Variants in IGSF11 observed in about 807,000 individuals in gnomAD.
IGSF11 encodes the protein immunoglobulin superfamily member 11.
IGSF11 carries 22 observed loss-of-function variants against 41.0 expected under a neutral mutation model. The ratio of observed to expected loss-of-function variants is 0.54; its 90% CI spans 0.38 to 0.77. The LOEUF (loss-of-function observed/expected upper bound fraction) is 0.77, where lower values mean the gene tolerates loss of function less well. Among genes scored for constraint, IGSF11 ranks in the 30% least tolerant of loss-of-function variants. The pLI is 0.00. For missense variants in IGSF11, 444 were observed against 530.8 expected (o/e 0.84, Z 1.61); for synonymous variants, 219 against 201.3 (o/e 1.09, Z -0.74).
chr3:118,903,679 C>T (rs1202725530), intron 6 of IGSF11, among the ~76,000 whole-genome samples: 1 of 152,130 alleles, frequency 6.6e-6, no homozygotes, highest in Non-Finnish European at 1.5e-5. Flanking sequence ...AAGATGCTAA[C>T]CAATTCATTT....
At chr3:119,098,922 A>G (rs1374833868) in intron 1 of IGSF11, among the ~76,000 whole-genome samples, 3 of 151,564 alleles carry the variant, frequency 2.0e-5, no homozygotes, top group Non-Finnish European at 4.4e-5. Flanking sequence ...GTTTTCAGAA[A>G]AAAAGTTTCA....
At chr3:119,130,652 G>C (rs1170048623) in intron 1 of IGSF11, among the ~76,000 whole-genome samples, 1 of 152,078 alleles carries the variant, frequency 6.6e-6, no homozygotes, top group African/African-American at 2.4e-5. Flanking sequence ...AAAGGCAGCA[G>C]ACAACTTCTG....
chr3:119,141,042 T>TAAAAAAAA (rs35323898), intron 1 of IGSF11, among the ~76,000 whole-genome samples: 15 of 99,706 alleles, frequency 1.5e-4, no homozygotes, highest in Middle Eastern at 5.4e-3. Context: ...TCTGTCTCAT[T>TAAAAAAAA]AAAAAAAAAA....
At chr3:118,947,401 C>T (rs1944237856) in intron 1 of IGSF11, 1 of 152,108 alleles carries the variant, frequency 6.6e-6, no homozygotes, top group Non-Finnish European at 1.5e-5. Context: ...AAGAAAGTGG[C>T]TGTTGAGGTG....
chr3:119,107,559 T>A (rs1375613437), upstream of IGSF11, among the ~76,000 whole-genome samples: 1 of 152,096 alleles, frequency 6.6e-6, no homozygotes, highest in African/African-American at 2.4e-5. Flanking sequence ...CTGATGGTAG[T>A]TTCTTTTGCT....
At chr3:119,020,222 A>G (rs12491204) in intron 1 of IGSF11, among the ~76,000 whole-genome samples, 1,666 of 152,306 alleles carry the variant, frequency 0.011, 34 homozygotes, top group East Asian at 0.061. Flanking sequence ...AGACCTCTAC[A>G]TTATAACATA....
At chr3:118,989,409 G>A (rs745909238) in intron 1 of IGSF11, among the ~76,000 whole-genome samples, 18 of 151,712 alleles carry the variant, frequency 1.2e-4, no homozygotes, top group South Asian at 8.3e-4. Context: ...CTGGAGTGCA[G>A]TGGCGCAATC....
At chr3:119,088,420 A>C (rs915537061) in intron 1 of IGSF11, among the ~76,000 whole-genome samples, 1 of 152,186 alleles carries the variant, frequency 6.6e-6, no homozygotes, top group African/African-American at 2.4e-5. Context: ...GGATGCAGCT[A>C]AAGTAATGTT....
At chr3:118,932,490 ACTGT>A (rs1942941098) in intron 1 of IGSF11, among the ~76,000 whole-genome samples, 1 of 152,374 alleles carries the variant, frequency 6.6e-6, no homozygotes, top group Admixed American at 6.5e-5. Context: ...TGTTTCATAA[ACTGT>A]CTGTGATAGA....
rs1939119240 is a variant in IGSF11 at position 118,903,099 on chromosome 3, CA to C, written c.855-139del. On this transcript the variant is annotated intron_variant, in intron 6 of 6. Transcript: ENST00000393775. ...AGGAGAGACTACTCTATCGTGAAAG[CA>C]GGCATGGCAACCCTGGATGGCCTCA... The C allele has an allele frequency of 3.9e-6, 3 of 768,732 alleles. No homozygotes were observed. The African/African-American group carries it at 5.3e-5, about 14-fold the overall frequency. The allele number at this position is 768,732 out of a possible 1,614,324, so 47.6% of individuals were successfully genotyped here. A position where few individuals can be genotyped will look rare whatever the true frequency, so the allele number is the denominator to read the frequency against.
At chr3:119,138,350 A>G (rs1441409844) in intron 1 of IGSF11, among the ~76,000 whole-genome samples, 1 of 152,162 alleles carries the variant, frequency 6.6e-6, no homozygotes, top group Non-Finnish European at 1.5e-5. Context: ...TGGATTTTTT[A>G]AATGTGGTAT....
chr3:119,091,294 G>A (rs1253417475), intron 1 of IGSF11, among the ~76,000 whole-genome samples: 1 of 152,164 alleles, frequency 6.6e-6, no homozygotes, highest in Non-Finnish European at 1.5e-5. Flanking sequence ...AAGCAGTCTG[G>A]AGACTTCTCA....
rs116327549 is a variant in IGSF11, at chr3:119,070,999, T to C, written c.49+34145A>G. ...CAGTAGGTAGAGAACAGAATACCCA[T>C]ATGAGTAGCACCCTCAAAAAAAGCT... On this transcript the variant is annotated intron_variant, in intron 1 of 6. Transcript: ENST00000354673. Among the ~76,000 whole-genome samples the C allele has an allele frequency of 5.4e-3, 829 of 152,298 alleles. 8 individuals are homozygous for C. Among genetic ancestry groups the C allele is most frequent in the African/African-American group, 0.019 (790 of 41,570 alleles).
intron 1 of IGSF11, among the ~76,000 whole-genome samples, chr3:119,079,930 G>A (rs377534518): frequency 7.2e-5 from 11 of 152,164 alleles, no homozygotes; most frequent in African/African-American, 2.6e-4. Context: ...TACCTATCGG[G>A]TACTACGCTC....
At chr3:118,910,595 C>T (rs1940156083) in intron 4 of IGSF11, among the ~76,000 whole-genome samples, 1 of 152,172 alleles carries the variant, frequency 6.6e-6, no homozygotes, top group Non-Finnish European at 1.5e-5. Context: ...ATCTGGTGAT[C>T]TCTTGTTTAT....
Position 119,046,156 on chromosome 3 carries a change from C to T in IGSF11, c.49+58988G>A, listed in dbSNP as rs1295699741. Among the ~76,000 whole-genome samples the T allele has an allele frequency of 1.3e-3, 191 of 150,790 alleles. 1 individual carries two copies. Among genetic ancestry groups the T allele is most frequent in the African/African-American group, 3.5e-3 (144 of 40,922 alleles). On this transcript the variant is annotated intron_variant, in intron 1 of 6. Coordinates refer to the IGSF11 transcript ENST00000354673. ...AAAGCTGGATGGAGAATGACTTTGA[C>T]GAGCTGAGAGAAGAAGGCTTCAGAC...
At chr3:118,944,439 T>C (rs956609580) in intron 1 of IGSF11, among the ~76,000 whole-genome samples, 2 of 148,060 alleles carry the variant, frequency 1.4e-5, no homozygotes, top group African/African-American at 2.5e-5. Context: ...TTATGTGGTC[T>C]ATTGCCTTAG....
At chr3:118,991,941 C>T (rs944371881) in intron 1 of IGSF11, among the ~76,000 whole-genome samples, 1 of 152,330 alleles carries the variant, frequency 6.6e-6, no homozygotes, top group Non-Finnish European at 1.5e-5. Flanking sequence ...CTGCTAGTCC[C>T]GTACAATGCA....
chr3:118,912,737 A>C (rs1397056461), intron 4 of IGSF11, among the ~76,000 whole-genome samples: 1 of 152,220 alleles, frequency 6.6e-6, no homozygotes, highest in Admixed American at 6.5e-5. Context: ...AAAGAGCATA[A>C]AGTTATGTGA....
Sources: gnomAD v4.1 joint callset for allele counts (sites outside exome capture counted in the v4.1 genomes callset) on GRCh38, gnomAD v4.1.1 for gene constraint, MANE v1.5 for transcripts, NCBI Gene and HGNC (gene_info 2026-07-23, HGNC 2026-07-21) for gene names.